The following MED27 variants were observed in gnomAD, a reference collection of about 807,000 sequenced individuals.
MED27 encodes the protein mediator of RNA polymerase II transcription subunit 27.
In MED27, 30 loss-of-function variants were observed where a neutral mutation model predicts 38.2. The observed-to-expected ratio is 0.79, with a 90% CI of 0.59 to 1.07. MED27 has a LOEUF of 1.07. MED27 is among the 50% of genes least tolerant of loss of function. The pLI is 0.00. For missense variants in MED27, 289 were observed against 397.5 expected (o/e 0.73, Z 2.32); for synonymous variants, 122 against 153.5 (o/e 0.79, Z 1.52).
chr9:131,921,756 C>T (rs1422978852), intron 4 of MED27, among the ~76,000 whole-genome samples: 1 of 152,170 alleles, frequency 6.6e-6, no homozygotes, highest in African/African-American at 2.4e-5. Flanking sequence ...TTCACAATAG[C>T]AAAGACTTGG....
intron 3 of MED27, among the ~76,000 whole-genome samples, chr9:131,964,174 C>A (rs1440273342): frequency 6.6e-6 from 1 of 151,782 alleles, no homozygotes; most frequent in Non-Finnish European, 1.5e-5. Context: ...ATTGTAGTTG[C>A]ACCTAGTTCA....
intron 2 of MED27, among the ~76,000 whole-genome samples, chr9:132,048,156 A>G (rs957278582): frequency 2.0e-5 from 3 of 152,202 alleles, no homozygotes; most frequent in African/African-American, 7.2e-5. Flanking sequence ...GAAAACAATA[A>G]TTAACCATCC....
At chr9:132,038,444 G>A (rs1173893146) in intron 2 of MED27, among the ~76,000 whole-genome samples, 2 of 150,970 alleles carry the variant, frequency 1.3e-5, no homozygotes, top group African/African-American at 4.9e-5. Flanking sequence ...CGCCCGCCTC[G>A]GCCTCCCAAA....
At chr9:132,043,339 A>ATGTCTGTCTT (rs1833262753) in intron 2 of MED27, among the ~76,000 whole-genome samples, 1 of 148,856 alleles carries the variant, frequency 6.7e-6, no homozygotes, top group African/African-American at 2.5e-5. Context: ...AGGAATAAAG[A>ATGTCTGTCTT]TGTCTGTCTT....
chr9:131,970,830 A>G lies in MED27; in HGVS notation c.480-31356T>C, dbSNP rs533751763. On this transcript the variant is annotated intron_variant, in intron 3 of 7. Coordinates refer to ENST00000292035, the MANE Select transcript of MED27 (RefSeq NM_004269.4). ...GAGGAGAACAGTAGAGAAGACAAAC[A>G]CCAAACAGATCATGTGGAGTTCGTT... Among the ~76,000 whole-genome samples the G allele has an allele frequency of 5.3e-5, 8 of 152,350 alleles. No individual in the cohort carries two copies. The East Asian group carries it at 1.5e-3, about 29-fold the overall frequency.
intron 2 of MED27, among the ~76,000 whole-genome samples, chr9:132,033,336 A>C (rs1833004247): frequency 6.6e-6 from 1 of 152,224 alleles, no homozygotes; most frequent in East Asian, 1.9e-4. Flanking sequence ...TTACCAAGAA[A>C]GAAACTGCTT....
At chr9:131,866,094 A>C (rs1050435446) in intron 6 of MED27, among the ~76,000 whole-genome samples, 5 of 152,144 alleles carry the variant, frequency 3.3e-5, no homozygotes, top group African/African-American at 1.2e-4. Flanking sequence ...CCAAACCAAC[A>C]AGACCCTGCA....
intron 3 of MED27, among the ~76,000 whole-genome samples, chr9:131,969,516 TAA>T (rs1261138050): frequency 1.3e-5 from 2 of 152,194 alleles, no homozygotes; most frequent in Non-Finnish European, 2.9e-5. Flanking sequence ...ATAATCATAA[TAA>T]AGAGGTTGAG....
intron 3 of MED27, among the ~76,000 whole-genome samples, chr9:132,005,500 T>C (rs1355899565): frequency 6.6e-6 from 1 of 152,198 alleles, no homozygotes. Flanking sequence ...ATGTCTATAG[T>C]GCTCCTGACC....
At chr9:131,990,653 A>C (rs552661623) in intron 3 of MED27, among the ~76,000 whole-genome samples, 20 of 152,320 alleles carry the variant, frequency 1.3e-4, no homozygotes, top group African/African-American at 3.8e-4. Context: ...TCACCCCAGG[A>C]GGATGTGGTC....
intron 3 of MED27, among the ~76,000 whole-genome samples, chr9:131,990,276 T>C (rs1202994890): frequency 2.0e-5 from 3 of 152,188 alleles, no homozygotes; most frequent in African/African-American, 4.8e-5. Context: ...CTGAGGCTCA[T>C]CTCCATCAAT....
At chr9:131,971,010 G>GA (rs1421073328) in intron 3 of MED27, among the ~76,000 whole-genome samples, 1 of 152,192 alleles carries the variant, frequency 6.6e-6, no homozygotes, top group Non-Finnish European at 1.5e-5. Context: ...TTATTTTGCA[G>GA]AAACAAGTGT....
chr9:131,988,961 T>G (rs1044400560), intron 3 of MED27, among the ~76,000 whole-genome samples: 1 of 152,204 alleles, frequency 6.6e-6, no homozygotes, highest in South Asian at 2.1e-4. Flanking sequence ...TTAATTTTAC[T>G]TTAACCAAGT....
At chr9:131,899,548 C>T (rs1789928903) in intron 4 of MED27, among the ~76,000 whole-genome samples, 2 of 152,280 alleles carry the variant, frequency 1.3e-5, no homozygotes, top group South Asian at 4.1e-4. Context: ...CTGTGAAATG[C>T]GGTGGGACCT....
chr9:132,062,005 A>G (rs1257778863), intron 2 of MED27, among the ~76,000 whole-genome samples: 1 of 152,246 alleles, frequency 6.6e-6, no homozygotes, highest in Non-Finnish European at 1.5e-5. Context: ...ACATTGCAGC[A>G]GCCATGTGCT....
At chr9:132,043,171 A>C (rs1035109166) in intron 2 of MED27, among the ~76,000 whole-genome samples, 6 of 152,206 alleles carry the variant, frequency 3.9e-5, no homozygotes, top group Non-Finnish European at 8.8e-5. Context: ...CACAATGAGG[A>C]GGTATTACAG....
chr9:132,011,734 G>T (rs976805812), intron 3 of MED27, among the ~76,000 whole-genome samples: 2 of 152,110 alleles, frequency 1.3e-5, no homozygotes, highest in African/African-American at 4.8e-5. Flanking sequence ...CTGCCTACTG[G>T]ACAGTAGTTC....
intron 3 of MED27, among the ~76,000 whole-genome samples, chr9:132,004,098 C>T (rs1292364761): frequency 2.0e-5 from 3 of 152,146 alleles, no homozygotes; most frequent in African/African-American, 4.8e-5. Flanking sequence ...CCGAGGAAAC[C>T]CCCCGGGACG....
chr9:132,077,653 C>T (rs945540849), intron 1 of MED27, 67 bp from the exon 2 acceptor site: 1 of 1,556,774 alleles, frequency 6.4e-7, no homozygotes, highest in Non-Finnish European at 8.7e-7. Flanking sequence ...AGCCAGCCCC[C>T]AGGATCAAAG....
Sources: gnomAD v4.1 joint callset for allele counts (sites outside exome capture counted in the v4.1 genomes callset) on GRCh38, gnomAD v4.1.1 for gene constraint, MANE v1.5 for transcripts, NCBI Gene and HGNC (gene_info 2026-07-23, HGNC 2026-07-21) for gene names.